WAPL: variants seen among roughly 807,000 people sequenced by gnomAD.
WAPL encodes the protein wings apart-like protein homolog.
Under a neutral mutation model 121.0 loss-of-function variants are expected in WAPL, and 5 were observed. The ratio of observed to expected loss-of-function variants is 0.04; its 90% CI spans 0.02 to 0.09. The LOEUF (loss-of-function observed/expected upper bound fraction) is 0.09. Ranked by LOEUF, WAPL falls within the 10% of genes least tolerant of loss-of-function variation. The pLI, the probability that WAPL is intolerant of heterozygous loss-of-function variation, is 1.00. For missense variants in WAPL, 999 were observed against 1,410.8 expected, an observed-to-expected ratio of 0.71 and a Z score of 4.68; for synonymous variants, 480 against 481.5, an observed-to-expected ratio of 1.00 and a Z score of 0.04.
rs1419356431 is a variant in WAPL at position 86,435,391 on chromosome 10, T to C, written c.*2152A>G. 3.9e-5 allele frequency: 6 copies of C among 152,608 alleles called. No individual in the cohort carries two copies. In the East Asian group the frequency reaches 9.6e-4, roughly 24 times the overall value. 9.5% of individuals were successfully genotyped at this position (152,608 alleles called of 1,614,324 possible). A position where few individuals can be genotyped will look rare whatever the true frequency, so the allele number is the denominator to read the frequency against. On this transcript the variant is annotated 3_prime_UTR_variant, in exon 19 of 19. Coordinates refer to ENST00000298767, the MANE Select transcript of WAPL (RefSeq NM_015045.5). The stretch of plus-strand genomic sequence containing the variant: ...AAGATCACAGCTGAGAAATACTGTA[T>C]AAAATAAAAATAGGATTGGATTCAG...
chr10:86,520,739 G>A (rs987758947), intron 1 of WAPL, among the ~76,000 whole-genome samples: 1 of 130,930 alleles, frequency 7.6e-6, no homozygotes, highest in Non-Finnish European at 1.6e-5. Context: ...AAATCAGGTC[G>A]AATTTTGAGA....
chr10:86,492,919 G>A (rs573616847), intron 4 of WAPL, among the ~76,000 whole-genome samples: 1 of 152,002 alleles, frequency 6.6e-6, no homozygotes, highest in Non-Finnish European at 1.5e-5. Context: ...AAATTAGCCG[G>A]GTGTGGTGGT....
chr10:86,487,943 T>C (rs913759837), intron 4 of WAPL, among the ~76,000 whole-genome samples: 3 of 151,638 alleles, frequency 2.0e-5, no homozygotes, highest in Non-Finnish European at 2.9e-5. Context: ...TAACACAGGG[T>C]AGAGGGGTAG....
At chr10:86,456,404 CAAAA>C (rs200771344) in intron 12 of WAPL, among the ~76,000 whole-genome samples, 1 of 117,746 alleles carries the variant, frequency 8.5e-6, no homozygotes, top group Non-Finnish European at 1.9e-5. Context: ...TTTATGATAC[CAAAA>C]AAAAAAAAAA....
chr10:86,487,996 A>G (rs17331734), intron 4 of WAPL, among the ~76,000 whole-genome samples: 5,266 of 152,320 alleles, frequency 0.035, 141 homozygotes, highest in Non-Finnish European at 0.046. Context: ...TGTCAGCAGA[A>G]CTAAGGTGAG....
chr10:86,477,721 A>G (rs1244745250), intron 4 of WAPL, among the ~76,000 whole-genome samples: 2 of 152,108 alleles, frequency 1.3e-5, no homozygotes, highest in Admixed American at 1.3e-4. Context: ...GAATCGCTTG[A>G]ACCCAGAAGG....
intron 4 of WAPL, among the ~76,000 whole-genome samples, chr10:86,482,819 G>T (rs1241902376): frequency 6.6e-6 from 1 of 152,196 alleles, no homozygotes; most frequent in African/African-American, 2.4e-5. Flanking sequence ...GTTGCCAGGG[G>T]CTGGCAGGTA....
chr10:86,520,677 A>G (rs1206913995), intron 1 of WAPL, among the ~76,000 whole-genome samples: 1 of 152,082 alleles, frequency 6.6e-6, no homozygotes, highest in Non-Finnish European at 1.5e-5. Flanking sequence ...TAAAAAGGAA[A>G]GAATGATTGA....
intron 15 of WAPL, among the ~76,000 whole-genome samples, chr10:86,448,804 A>G (rs1181041124): frequency 6.6e-6 from 1 of 152,022 alleles, no homozygotes; most frequent in African/African-American, 2.4e-5. Flanking sequence ...TAGTAGAAAC[A>G]TAATTTTGCC....
intron 8 of WAPL, among the ~76,000 whole-genome samples, chr10:86,470,429 A>G (rs1419739910): frequency 6.6e-6 from 1 of 152,242 alleles, no homozygotes; most frequent in African/African-American, 2.4e-5. Context: ...AAATACTACT[A>G]ATGCTAATAA....
chr10:86,478,186 T>C (rs1228996964), intron 4 of WAPL, among the ~76,000 whole-genome samples: 3 of 151,500 alleles, frequency 2.0e-5, no homozygotes, highest in East Asian at 1.9e-4. Flanking sequence ...TCCCAGCAAG[T>C]TGGGAGGCCA....
At position 86,453,692 on chromosome 10, in the gene WAPL, T is replaced by C. The variant is rs1175246381; in HGVS notation, c.2797A>G (p.Ile933Val). Residue 933 changes from isoleucine (I) to valine (V), a missense_variant, in exon 13 of 19, where the codon ATC becomes GTC. Around this residue, in one of 7 missense-constraint regions of WAPL, gnomAD observed 85 missense variants for 133.5 expected, o/e 0.64. Transcript: ENST00000298767. ...GKAVEDCMRA[I>V]IGVLLNLTND... ...GTTAAATTAAGCAACACCCCGATGA[T>C]GGCCCTCATGCAGTCCTCCACTGCT... 2 of 1,608,202 alleles carry C rather than the reference T, an allele frequency of 1.2e-6. No individual in the cohort carries two copies. The highest frequency in any genetic ancestry group is 1.7e-6 in the Non-Finnish European group (2 of 1,178,746).
chr10:86,489,594 G>C (rs1455138906), intron 4 of WAPL, among the ~76,000 whole-genome samples: 2 of 152,280 alleles, frequency 1.3e-5, no homozygotes, highest in East Asian at 1.9e-4. Flanking sequence ...AAGGCAAGAG[G>C]GGGGTGCTAT....
chr10:86,490,178 C>G (rs1256545854), intron 4 of WAPL, among the ~76,000 whole-genome samples: 1 of 151,696 alleles, frequency 6.6e-6, no homozygotes, highest in East Asian at 1.9e-4. Flanking sequence ...CGCGTCGCCA[C>G]ACTCCAGCCT....
At chr10:86,465,426 G>A (rs1401416417) in intron 9 of WAPL, among the ~76,000 whole-genome samples, 1 of 152,096 alleles carries the variant, frequency 6.6e-6, no homozygotes, top group Non-Finnish European at 1.5e-5. Context: ...GACTGGTCTC[G>A]AACTCCTGGT....
At position 86,454,792 on chromosome 10, in the gene WAPL, G is replaced by A. The variant is rs1009973666; in HGVS notation, c.2658-961C>T. 2.7e-5 allele frequency among the ~76,000 whole-genome samples: 4 copies of A among 150,846 alleles called. No individual in the cohort carries two copies. The East Asian group carries it at 5.9e-4, about 22-fold the overall frequency. ...CCATCCCGTCTGGGAAGTGACGAGC[G>A]TCTCTGCCCGGCCGCCCATCGTCTG... On this transcript the variant is annotated intron_variant, in intron 12 of 18. Transcript: ENST00000298767.
intron 4 of WAPL, among the ~76,000 whole-genome samples, chr10:86,477,240 A>C (rs1841679077): frequency 6.6e-6 from 1 of 152,240 alleles, no homozygotes; most frequent in Admixed American, 6.5e-5. Context: ...TGAGCTCTTT[A>C]CATCATTCCA....
intron 12 of WAPL, among the ~76,000 whole-genome samples, chr10:86,458,068 G>C (rs1321071267): frequency 1.3e-5 from 2 of 152,200 alleles, no homozygotes; most frequent in East Asian, 3.8e-4. Flanking sequence ...AGATAAACTA[G>C]AGTAAGACTG....
At chr10:86,517,210 A>G (rs1842571252) in intron 2 of WAPL, among the ~76,000 whole-genome samples, 1 of 152,170 alleles carries the variant, frequency 6.6e-6, no homozygotes. Flanking sequence ...CATTTTAAAT[A>G]CTCATCTCAT....
Sources: gnomAD v4.1 joint callset for allele counts (sites outside exome capture counted in the v4.1 genomes callset) on GRCh38, gnomAD v4.1.1 for gene constraint, gnomAD v4.1.1 regional missense constraint, MANE v1.5 for transcripts, NCBI Gene and HGNC (gene_info 2026-07-23, HGNC 2026-07-21) for gene names.